PRR11: variants seen among roughly 807,000 people sequenced by gnomAD.
The protein encoded by PRR11 is proline-rich protein 11.
PRR11 carries 30 observed loss-of-function variants against 45.6 expected under a neutral mutation model. The observed-to-expected ratio is 0.66, with a 90% confidence interval of 0.49 to 0.89. The LOEUF is 0.89. Among genes scored for constraint, PRR11 ranks in the 40% least tolerant of loss-of-function variants. PRR11 has a pLI of 0.00. For synonymous variants in PRR11, 128 were observed against 153.5 expected (o/e 0.83, Z 1.23); for missense variants, 373 against 424.8 (o/e 0.88, Z 1.07).
chr17:59,201,855 C>A lies in PRR11; in HGVS notation c.*224C>A, dbSNP rs2046894034. The A allele has an allele frequency of 2.1e-6, 1 of 478,138 alleles. No individual in the cohort carries two copies. Among genetic ancestry groups the A allele is most frequent in the African/African-American group, 2.0e-5 (1 of 51,122 alleles). The allele number at this position is 478,138 out of a possible 1,614,324, so 29.6% of individuals were successfully genotyped here. Reference sequence around the variant, plus strand: ...GCATAGTGGCGGGTGCCTGTAATCCCAGCTATGCGGGAGGCTAAGGCAGGA... The same window carrying A: ...GCATAGTGGCGGGTGCCTGTAATCCAAGCTATGCGGGAGGCTAAGGCAGGA... On this transcript the variant is annotated 3_prime_UTR_variant, in exon 10 of 10. Transcript: ENST00000262293.
In PRR11 at chr17:59,185,448, A is replaced by G; in HGVS notation, c.288A>G (p.Glu96=). 6.3e-7 allele frequency: 1 copy of G among 1,598,706 alleles called. No individual in the cohort carries two copies. Among genetic ancestry groups the G allele is most frequent in the Non-Finnish European group, 8.6e-7 (1 of 1,169,096 alleles). Residue 96 remains glutamate (E), a synonymous_variant, in exon 4 of 10, where the codon GAA becomes GAG. Coordinates refer to ENST00000262293, the MANE Select transcript of PRR11 (RefSeq NM_018304.4). ...TTTATTATTAATTTCAGAGTTTAGA[A>G]GTATTGAAAGACACCATCTTTCCAT... is the stretch of plus-strand genomic sequence containing the variant. ...WCQNCITQSL[E]VLKDTIFPSR...
chr17:59,181,617 G>C (rs2046787108), intron 2 of PRR11: 1 of 1,445,728 alleles, frequency 6.9e-7, no homozygotes, highest in Non-Finnish European at 9.5e-7. Context: ...CCGCCACCCA[G>C]GTCTCCTCAG....
intron 2 of PRR11, chr17:59,181,689 C>T (rs1203253232): frequency 6.5e-7 from 1 of 1,550,088 alleles, no homozygotes; most frequent in South Asian, 1.1e-5. Flanking sequence ...GGTCCGACCA[C>T]TCCCTCTTCC....
intron 9 of PRR11, 152 bp downstream of exon 9, chr17:59,197,941 C>CT (rs1214294987): frequency 1.5e-6 from 1 of 653,812 alleles, no homozygotes; most frequent in African/African-American, 1.8e-5. Flanking sequence ...TGGTGAAACT[C>CT]TGTCTCTACA....
chr17:59,190,920 G>A (rs2046837705), intron 4 of PRR11, among the ~76,000 whole-genome samples: 1 of 152,212 alleles, frequency 6.6e-6, no homozygotes, highest in African/African-American at 2.4e-5. Flanking sequence ...ACCAGAAGGA[G>A]GAATGGCTAC....
At chr17:59,170,201 G>A (rs1237208134) in intron 2 of PRR11, among the ~76,000 whole-genome samples, 3 of 150,750 alleles carry the variant, frequency 2.0e-5, no homozygotes, top group Admixed American at 6.6e-5. Flanking sequence ...GCAGTGAGCC[G>A]AGATCACACC....
intron 2 of PRR11, chr17:59,177,322 T>C (rs185708257): frequency 1.9e-6 from 1 of 540,522 alleles, no homozygotes; most frequent in South Asian, 1.4e-5. Context: ...GTGGAGACAG[T>C]GGAATGGGGG....
At chr17:59,168,458 C>T (rs1156525791) in intron 1 of PRR11, among the ~76,000 whole-genome samples, 2 of 152,170 alleles carry the variant, frequency 1.3e-5, no homozygotes, top group Admixed American at 6.5e-5. Flanking sequence ...ACGTGAGCCA[C>T]CACACCCAGC....
chr17:59,181,141 C>T (rs1005978489), intron 2 of PRR11, among the ~76,000 whole-genome samples: 2 of 151,696 alleles, frequency 1.3e-5, no homozygotes, highest in African/African-American at 4.9e-5. Flanking sequence ...AGGCGCCCAC[C>T]ACCACGCCCA....
chr17:59,167,841 C>T (rs1483630702), intron 1 of PRR11, among the ~76,000 whole-genome samples: 3 of 152,148 alleles, frequency 2.0e-5, no homozygotes, highest in Non-Finnish European at 4.4e-5. Flanking sequence ...TCATTGCTCT[C>T]TTGGTTTTGG....
intron 4 of PRR11, among the ~76,000 whole-genome samples, chr17:59,192,887 A>G (rs2046845770): frequency 6.6e-6 from 1 of 152,214 alleles, no homozygotes; most frequent in South Asian, 2.1e-4. Flanking sequence ...TGAAAGTACT[A>G]TATTCTTGGC....
intron 2 of PRR11, among the ~76,000 whole-genome samples, chr17:59,172,954 G>C (rs2046718973): frequency 6.6e-6 from 1 of 152,378 alleles, no homozygotes; most frequent in East Asian, 1.9e-4. Context: ...CCCGGTGCGA[G>C]ATCCACTGGG....
chr17:59,189,659 G>T (rs994435338), intron 4 of PRR11, among the ~76,000 whole-genome samples: 1 of 151,400 alleles, frequency 6.6e-6, no homozygotes, highest in Middle Eastern at 3.2e-3. Flanking sequence ...AGACTAGGTG[G>T]GACTCCAAAA....
chr17:59,177,290 C>T (rs556890314), intron 2 of PRR11: 12 of 544,372 alleles, frequency 2.2e-5, no homozygotes, highest in African/African-American at 1.9e-4. Flanking sequence ...AGGGAGAGGT[C>T]ACATCTTGGG....
intron 2 of PRR11, among the ~76,000 whole-genome samples, chr17:59,170,348 T>C (rs964715930): frequency 6.6e-6 from 1 of 152,170 alleles, no homozygotes; most frequent in Admixed American, 6.5e-5. Context: ...TTGGAATATA[T>C]TTATACTAAA....
At chr17:59,167,417 G>C (rs2046685354) in intron 1 of PRR11, among the ~76,000 whole-genome samples, 1 of 152,114 alleles carries the variant, frequency 6.6e-6, no homozygotes, top group Non-Finnish European at 1.5e-5. Flanking sequence ...CTATCTAGCT[G>C]TAATTATATT....
chr17:59,191,192 C>G (rs557023540), intron 4 of PRR11, among the ~76,000 whole-genome samples: 1 of 151,086 alleles, frequency 6.6e-6, no homozygotes, highest in South Asian at 2.1e-4. Context: ...GATAAATACT[C>G]CATGTTTCTT....
chr17:59,198,387 CA>C (rs111840483), intron 9 of PRR11, among the ~76,000 whole-genome samples: 4,001 of 151,456 alleles, frequency 0.026, 194 homozygotes, highest in African/African-American at 0.09. Flanking sequence ...TAAAAAAATA[CA>C]AAAATGGCCG....
intron 3 of PRR11, 43 bp from the exon 4 acceptor site, chr17:59,185,394 TATC>T: frequency 3.8e-6 from 6 of 1,571,610 alleles, no homozygotes; most frequent in South Asian, 1.2e-5. Flanking sequence ...TTCTTGTCCT[TATC>T]ATATTACTCA....
Sources: gnomAD v4.1 joint callset for allele counts (sites outside exome capture counted in the v4.1 genomes callset) on GRCh38, gnomAD v4.1.1 for gene constraint, MANE v1.5 for transcripts, NCBI Gene and HGNC (gene_info 2026-07-23, HGNC 2026-07-21) for gene names.